The following CYP4F11 variants were observed in gnomAD, a reference collection of about 807,000 sequenced individuals.
CYP4F11 encodes cytochrome P450 family 4 subfamily F member 11, also known as cytochrome P450 4F11.
A neutral mutation model predicts 62.2 loss-of-function variants in CYP4F11; 79 were observed. The observed-to-expected ratio is 1.27, with a 90% CI of 1.06 to 1.53. The LOEUF (loss-of-function observed/expected upper bound fraction) is 1.53, where lower values mean the gene tolerates loss of function less well. CYP4F11 is among the 40% of genes most tolerant of loss of function. The probability of loss-of-function intolerance (pLI) is 0.00; values close to 1 mark genes in which losing one functional copy is unlikely to be tolerated. For missense variants in CYP4F11, 777 were observed against 680.5 expected, an observed-to-expected ratio of 1.14 and a Z score of -1.58; for synonymous variants, 290 against 263.7, an observed-to-expected ratio of 1.10 and a Z score of -0.97.
chr19:15,914,465 C>A, intron 10 of CYP4F11, 78 bp from the exon 11 acceptor site: 2 of 1,550,300 alleles, frequency 1.3e-6, no homozygotes, highest in South Asian at 2.3e-5. Context: ...CCAAGACCCC[C>A]GGCCTTGGAG....
rs374048633 is a variant in CYP4F11 at position 15,923,895 on chromosome 19, G to A, written c.835C>T (p.Pro279Ser). 24 of 1,614,180 alleles carry A rather than the reference G, an allele frequency of 1.5e-5. No individual in the cohort carries two copies. The highest frequency in any genetic ancestry group is 2.0e-5 in the Non-Finnish European group (24 of 1,180,040). Residue 279 changes from proline to serine, a missense_variant, in exon 6 of 12, where the codon CCC becomes TCC. Physicochemically the swap from Pro to Ser is moderately conservative, Grantham distance 74. Coordinates refer to ENST00000402119, the MANE Select transcript of CYP4F11 (RefSeq NM_021187.4). Reference protein sequence around the residue: ...AVIQERRCTLPTQGIDDFLKN... With the variant: ...AVIQERRCTLSTQGIDDFLKN... ...AGGAAATCATCAATACCCTGAGTGGGGAGGGTGCAGCGCCGCTCCTGGATG... is the reference window on the plus strand; with the variant it reads ...AGGAAATCATCAATACCCTGAGTGGAGAGGGTGCAGCGCCGCTCCTGGATG...
Position 15,924,874 on chromosome 19 carries a change from C to T in CYP4F11, c.534G>A (p.Trp178Ter), listed in dbSNP as rs755088398. ...CGCTGCCCTCTGAGGCCAGGCGCTG[C>T]CACTTGTCCTGGCCAGAGAAAAAAC... ...NKSVNIMHDKWQRLASEGSAR... is the reference protein window; with the variant it reads ...NKSVNIMHDK The change falls in exon 5 of 12, where the codon TGG (tryptophan) becomes TGA (stop). Residue 178 changes from tryptophan to a stop codon, truncating the protein, a stop_gained. Coordinates refer to ENST00000402119, the MANE Select transcript of CYP4F11 (RefSeq NM_021187.4). LOFTEE classifies it high-confidence loss of function. 9.9e-6 allele frequency: 16 copies of T among 1,610,936 alleles called. No homozygotes were observed. In the East Asian group the frequency reaches 3.4e-4, roughly 34 times the overall value.
rs1350459365 is a variant in CYP4F11, at chr19:15,929,455, A to G, written c.343+2T>C. On this transcript the variant is annotated splice_donor_variant, in intron 2 of 11. Transcript: ENST00000402119. LOFTEE classifies it high-confidence loss of function. The stretch of plus-strand genomic sequence containing the variant: ...CCACTACCACAAGCTCTGCACGGGT[A>G]CCTGAGGCACTGGTGATAGGCCGGA... The G allele has an allele frequency of 1.9e-6, 3 of 1,614,088 alleles. No homozygotes were observed. Among genetic ancestry groups the G allele is most frequent in the African/African-American group, 2.7e-5 (2 of 75,040 alleles).
rs116507145 is a variant in CYP4F11, at chr19:15,913,246, G to A, written c.*486C>T. ...CTGGGAGGGGGAGAAACAGGGGTGG[G>A]AAGTTGGTGGAAAAAGGAACTAAAA... is the stretch of plus-strand genomic sequence containing the variant. On this transcript the variant is annotated 3_prime_UTR_variant, in exon 12 of 12. Transcript: ENST00000402119. The A allele has an allele frequency of 1.7e-3, 282 of 164,050 alleles. No homozygotes were observed. Among genetic ancestry groups the A allele is most frequent in the African/African-American group, 6.5e-3 (272 of 41,574 alleles). The allele number at this position is 164,050 out of a possible 1,614,324, so 10.2% of individuals were successfully genotyped here.
At chr19:15,927,407 C>T (rs2089678769) in intron 3 of CYP4F11, 23 bp downstream of exon 3, 5 of 1,614,002 alleles carry the variant, frequency 3.1e-6, no homozygotes, top group Non-Finnish European at 3.4e-6. Flanking sequence ...ATATCCCCAA[C>T]CCCATTCACC....
chr19:15,918,937 A>C (rs997774394), intron 8 of CYP4F11, among the ~76,000 whole-genome samples: 4 of 151,630 alleles, frequency 2.6e-5, no homozygotes, highest in Non-Finnish European at 5.9e-5. Context: ...CCATGCTAAA[A>C]AAAAAAAAAA....
At chr19:15,921,967 C>G in intron 8 of CYP4F11, 70 bp downstream of exon 8, 1 of 1,468,128 alleles carries the variant, frequency 6.8e-7, no homozygotes, top group Non-Finnish European at 9.0e-7. Flanking sequence ...AAAAAAACTC[C>G]CTCCCTCTGC....
intron 7 of CYP4F11, 23 bp from the exon 8 acceptor site, chr19:15,922,189 T>G: frequency 6.2e-7 from 1 of 1,603,902 alleles, no homozygotes; most frequent in South Asian, 1.1e-5. Flanking sequence ...CAAGCAAAAC[T>G]GGGTTTCTGG....
At position 15,923,920 on chromosome 19, in the gene CYP4F11, G is replaced by A; in HGVS notation, c.810C>T (p.Val270=). The A allele has an allele frequency of 1.2e-6, 2 of 1,614,190 alleles. No homozygotes were observed. The highest frequency in any genetic ancestry group is 1.7e-6 in the Non-Finnish European group (2 of 1,180,030). Residue 270 remains valine, a synonymous_variant, in exon 6 of 12, where the codon GTC becomes GTT. Coordinates refer to ENST00000402119, the MANE Select transcript of CYP4F11 (RefSeq NM_021187.4). The stretch of plus-strand genomic sequence containing the variant: ...GGAGGGTGCAGCGCCGCTCCTGGAT[G>A]ACGGCATCTGTGAAGTCGTGCACCA... ...CHLVHDFTDA[V]IQERRCTLPT... is the part of the protein sequence containing the mutation.
chr19:15,927,126 A>G, intron 4 of CYP4F11, 86 bp downstream of exon 4: 3 of 1,504,748 alleles, frequency 2.0e-6, no homozygotes, highest in Non-Finnish European at 2.7e-6. Context: ...ATTGTCCCCA[A>G]AGCACAACCA....
chr19:15,934,204 A>C lies in CYP4F11; in HGVS notation c.198+7T>G, dbSNP rs540707394. ...AGACCCCAGACCCGTCCTGCTGACAAACTCACCAGGCCCTGGTGTCCCCAA... is the reference window on the plus strand; with the variant it reads ...AGACCCCAGACCCGTCCTGCTGACACACTCACCAGGCCCTGGTGTCCCCAA... On this transcript the variant is annotated splice_region_variant and intron_variant, in intron 1 of 11. Coordinates refer to ENST00000402119, the MANE Select transcript of CYP4F11 (RefSeq NM_021187.4). 27 of 1,612,946 alleles carry C rather than the reference A, an allele frequency of 1.7e-5. No individual in the cohort carries two copies. In the South Asian group the frequency reaches 2.6e-4, roughly 16 times the overall value.
chr19:15,934,317 A>T lies in CYP4F11; in HGVS notation c.92T>A (p.Leu31Gln), dbSNP rs748759465. Residue 31 changes from leucine to glutamine, a missense_variant, in exon 1 of 12, where the codon CTG becomes CAG. Coordinates refer to ENST00000402119, the MANE Select transcript of CYP4F11 (RefSeq NM_021187.4). ...GTAGGTCCAGGCCAGGACGCGGGCC[A>T]GGAGCCAGGAGCCTCCAACCAGCAG... ...LLLLVGGSWL[L>Q]ARVLAWTYTF... is the part of the protein sequence containing the mutation. 2 of 1,613,022 alleles carry T rather than the reference A, an allele frequency of 1.2e-6. No individual in the cohort carries two copies. Among genetic ancestry groups the T allele is most frequent in the Non-Finnish European group, 1.7e-6 (2 of 1,179,544 alleles).
chr19:15,914,909 C>G lies in CYP4F11; in HGVS notation c.1116-14G>C. 1 of 1,613,330 alleles carries G rather than the reference C, an allele frequency of 6.2e-7. No individual in the cohort carries two copies. The highest frequency in any genetic ancestry group is 1.7e-4 in the Middle Eastern group (1 of 6,052). On this transcript the variant is annotated splice_polypyrimidine_tract_variant and intron_variant, in intron 8 of 11. Transcript: ENST00000402119. ...GCCAGGTCGTCCCTAAGAAAACACC[C>G]CAGCCCCAATCATTATCAAGGGAAC...
In CYP4F11 at chr19:15,922,333, C is replaced by T. The variant is rs770377786; in HGVS notation, c.985+31G>A. ...GTTCCTGGGATGGAGAGGCCCCTGT[C>T]CCCACCGTAGTCCCACACTGAGACC... On this transcript the variant is annotated intron_variant, in intron 7 of 11. Coordinates refer to ENST00000402119, the MANE Select transcript of CYP4F11 (RefSeq NM_021187.4). The T allele has an allele frequency of 3.7e-5, 60 of 1,613,486 alleles. No homozygotes were observed. In the Middle Eastern group the frequency reaches 6.6e-4, roughly 18 times the overall value.
In CYP4F11 at chr19:15,914,782, T is replaced by C. The variant is rs745638773; in HGVS notation, c.1229A>G (p.Asp410Gly). The change falls in exon 9 of 12, where the codon GAC becomes GGC. Residue 410 changes from aspartate (D) to glycine (G), a missense_variant. Coordinates refer to ENST00000402119, the MANE Select transcript of CYP4F11 (RefSeq NM_021187.4). Reference sequence around the variant, plus strand: ...AGCACCTTTGGGGATGACGCGGCCGTCTGGGAGCACAAAGTCCTGCGTGCA... The same window carrying C: ...AGCACCTTTGGGGATGACGCGGCCGCCTGGGAGCACAAAGTCCTGCGTGCA... ...RCCTQDFVLP[D>G]GRVIPKGIVC... The C allele has an allele frequency of 2.7e-5, 43 of 1,614,056 alleles. No homozygotes were observed. Among genetic ancestry groups the C allele is most frequent in the Non-Finnish European group, 3.6e-5 (42 of 1,180,044 alleles).
Position 15,934,370 on chromosome 19 carries a change from G to A in CYP4F11, c.39C>T (p.Pro13=), listed in dbSNP as rs374913171. ...GAAGCAGCCACGGGGATGCTGCCAC[G>A]GGCCCGAGGCCCAGCCAGGACAGGC... ...QLSLSWLGLG[P]VAASPWLLLL... The change falls in exon 1 of 12, where the codon CCC becomes CCT. Residue 13 remains proline (P), a synonymous_variant. Coordinates refer to ENST00000402119, the MANE Select transcript of CYP4F11 (RefSeq NM_021187.4). The A allele has an allele frequency of 3.4e-5, 55 of 1,613,200 alleles. No individual in the cohort carries two copies. Among genetic ancestry groups the A allele is most frequent in the Admixed American group, 1.0e-4 (6 of 59,948 alleles).
At chr19:15,924,109 A>G (rs746027738) in intron 5 of CYP4F11, 27 bp from the exon 6 acceptor site, 2 of 1,604,916 alleles carry the variant, frequency 1.2e-6, no homozygotes, top group Middle Eastern at 1.7e-4. Context: ...ACAACTTAAC[A>G]TATGCAAAGT....
At chr19:15,914,196 T>C in intron 11 of CYP4F11, 109 bp downstream of exon 11, 1 of 1,381,388 alleles carries the variant, frequency 7.2e-7, no homozygotes, top group Non-Finnish European at 1.0e-6. Context: ...CATGAACTCC[T>C]GAGGAAGGGA....
intron 1 of CYP4F11, among the ~76,000 whole-genome samples, chr19:15,931,549 GGAATGAGTGAGCGA>G (rs1568257292): frequency 2.0e-5 from 2 of 100,176 alleles, no homozygotes; most frequent in African/African-American, 6.9e-5. Context: ...AGCGGGGAGA[GGAATGAGTGAGCGA>G]GGAGAGGAAT....
Sources: allele counts gnomAD v4.1 joint callset (sites outside exome capture counted in the v4.1 genomes callset), GRCh38; gene constraint gnomAD v4.1.1; transcripts MANE v1.5; gene names NCBI Gene and HGNC (gene_info 2026-07-23, HGNC 2026-07-21).